PCSK1: variants seen among roughly 807,000 people sequenced by gnomAD.
The protein encoded by PCSK1 is proprotein convertase subtilisin/kexin type 1.
PCSK1 carries 56 observed loss-of-function variants against 90.6 expected under a neutral mutation model. The ratio of observed to expected loss-of-function variants is 0.62; its 90% CI spans 0.50 to 0.77. The LOEUF is 0.77. Among genes scored for constraint, PCSK1 ranks in the 30% least tolerant of loss-of-function variants. The probability of loss-of-function intolerance (pLI) is 0.00; values close to 1 mark genes in which losing one functional copy is unlikely to be tolerated. For synonymous variants in PCSK1, 348 were observed against 342.4 expected, an observed-to-expected ratio of 1.02 and a Z score of -0.18; for missense variants, 801 against 932.6, an observed-to-expected ratio of 0.86 and a Z score of 1.84.
rs1380360153 is a variant in PCSK1, at chr5:96,421,793, T to C, written c.620+87A>G. The stretch of plus-strand genomic sequence containing the variant: ...CATTAACATTTCCTGAGCACTGGAA[T>C]GTGGATGAAATATATGGTATAATTT... On this transcript the variant is annotated intron_variant, in intron 5 of 13. Transcript: ENST00000311106. 27 of 822,822 alleles carry C rather than the reference T, an allele frequency of 3.3e-5. No homozygotes were observed. In the East Asian group the frequency reaches 6.5e-4, roughly 20 times the overall value. The allele number at this position is 822,822 out of a possible 1,614,324, so 51.0% of individuals were successfully genotyped here. A position where few individuals can be genotyped will look rare whatever the true frequency, so the allele number is the denominator to read the frequency against.
intron 9 of PCSK1, among the ~76,000 whole-genome samples, chr5:96,407,608 G>A (rs1240583188): frequency 6.6e-6 from 1 of 152,108 alleles, no homozygotes; most frequent in Non-Finnish European, 1.5e-5. Flanking sequence ...TTTATCCTGA[G>A]GAAATTGTCA....
intron 11 of PCSK1, 75 bp from the exon 12 acceptor site, chr5:96,397,544 A>G: frequency 7.3e-7 from 1 of 1,372,156 alleles, no homozygotes; most frequent in South Asian, 1.2e-5. Context: ...CTGATAACTG[A>G]AAATAAAAGC....
chr5:96,411,008 A>G (rs1760736908), intron 7 of PCSK1, 22 bp from the exon 8 acceptor site: 6 of 1,534,594 alleles, frequency 3.9e-6, no homozygotes, highest in East Asian at 2.2e-5. Context: ...GCCAGAATGC[A>G]TATTATCTGT....
chr5:96,431,537 C>G (rs143057110), intron 1 of PCSK1, among the ~76,000 whole-genome samples: 11 of 152,338 alleles, frequency 7.2e-5, no homozygotes, highest in African/African-American at 2.6e-4. Flanking sequence ...TTCTTTCCCT[C>G]CTCTTATTCC....
chr5:96,413,434 G>C (rs1347326136), intron 6 of PCSK1, among the ~76,000 whole-genome samples: 1 of 152,198 alleles, frequency 6.6e-6, no homozygotes, highest in African/African-American at 2.4e-5. Flanking sequence ...TATTTACTAT[G>C]GAGCAAAGGT....
intron 5 of PCSK1, among the ~76,000 whole-genome samples, chr5:96,418,922 C>T (rs1761021705): frequency 6.6e-6 from 1 of 152,050 alleles, no homozygotes; most frequent in African/African-American, 2.4e-5. Flanking sequence ...GTTGATTTCT[C>T]ACTGAAAGAA....
chr5:96,402,151 G>A (rs892412694), intron 9 of PCSK1, among the ~76,000 whole-genome samples: 41 of 152,184 alleles, frequency 2.7e-4, no homozygotes, highest in African/African-American at 9.9e-4. Context: ...AATCCCCTGT[G>A]ACAAGAAAGA....
At position 96,393,385 on chromosome 5, in the gene PCSK1, C is replaced by A; in HGVS notation, c.1885-7G>T. ...TCTCTTGTGTGGGCTGCTCCTAAAA[C>A]ATAGAATGCCATCCACAAAGGGAAG... On this transcript the variant is annotated splice_region_variant and splice_polypyrimidine_tract_variant and intron_variant, in intron 13 of 13. Coordinates refer to ENST00000311106, the MANE Select transcript of PCSK1 (RefSeq NM_000439.5). The A allele has an allele frequency of 1.2e-6, 2 of 1,613,420 alleles. No homozygotes were observed. Among genetic ancestry groups the A allele is most frequent in the Non-Finnish European group, 1.7e-6 (2 of 1,179,856 alleles).
intron 9 of PCSK1, among the ~76,000 whole-genome samples, chr5:96,400,629 G>C (rs1490437363): frequency 6.6e-6 from 1 of 152,222 alleles, no homozygotes; most frequent in Non-Finnish European, 1.5e-5. Context: ...CTTAGGAAGA[G>C]TGAGATGTTA....
rs1760781259 is a variant in PCSK1 at position 96,412,302 on chromosome 5, G to C, written c.882+16C>G. ...GTCAGGTTTCATTTCATGTGGGTCT[G>C]TGTAAAGCATCTTACCTGTTTGACA... On this transcript the variant is annotated intron_variant, in intron 7 of 13. Coordinates refer to ENST00000311106, the MANE Select transcript of PCSK1 (RefSeq NM_000439.5). The C allele has an allele frequency of 3.7e-6, 6 of 1,609,640 alleles. No homozygotes were observed. The highest frequency in any genetic ancestry group is 5.1e-6 in the Non-Finnish European group (6 of 1,176,024).
chr5:96,399,080 C>A, intron 10 of PCSK1, 44 bp from the exon 11 acceptor site: 1 of 1,464,898 alleles, frequency 6.8e-7, no homozygotes, highest in Middle Eastern at 1.7e-4. Context: ...TATATCCAAA[C>A]TTCCTTGCAT....
intron 5 of PCSK1, among the ~76,000 whole-genome samples, chr5:96,421,569 G>A (rs545181062): frequency 1.3e-5 from 2 of 152,322 alleles, no homozygotes; most frequent in East Asian, 3.9e-4. Flanking sequence ...ATTGAGGGGA[G>A]GGATGGGCTC....
intron 6 of PCSK1, 25 bp from the exon 7 acceptor site, chr5:96,412,515 A>G: frequency 6.2e-7 from 1 of 1,606,156 alleles, no homozygotes; most frequent in African/African-American, 1.3e-5. Context: ...AAACAAAGAC[A>G]CACAAAGGTT....
chr5:96,431,853 A>G (rs78648343), intron 1 of PCSK1, among the ~76,000 whole-genome samples: 3,660 of 152,202 alleles, frequency 0.024, 159 homozygotes, highest in African/African-American at 0.085. Flanking sequence ...CCACGCTTCA[A>G]TGCAGACCAA....
intron 9 of PCSK1, among the ~76,000 whole-genome samples, chr5:96,405,155 G>T (rs916034472): frequency 6.6e-6 from 1 of 152,116 alleles, no homozygotes; most frequent in Non-Finnish European, 1.5e-5. Context: ...TATGTACCTT[G>T]GCAGTAAGGA....
In PCSK1 at chr5:96,412,596, A is replaced by C. The variant is rs921057978; in HGVS notation, c.710-106T>G. The C allele has an allele frequency of 1.8e-5, 19 of 1,057,450 alleles. No individual in the cohort carries two copies. The African/African-American group carries it at 2.1e-4, about 11-fold the overall frequency. 65.5% of individuals were successfully genotyped at this position (1,057,450 alleles called of 1,614,324 possible). On this transcript the variant is annotated intron_variant, in intron 6 of 13. Transcript: ENST00000311106. ...GTATTTTTAAAGGATTTTAAGAGTC[A>C]AAAACCAGGTAACTACTAGATAGAT...
At chr5:96,411,451 G>A (rs973843674) in intron 7 of PCSK1, among the ~76,000 whole-genome samples, 7 of 152,146 alleles carry the variant, frequency 4.6e-5, no homozygotes, top group African/African-American at 1.2e-4. Flanking sequence ...CGTCAAAGCC[G>A]CCCTTTCTAT....
intron 9 of PCSK1, among the ~76,000 whole-genome samples, chr5:96,404,028 G>A (rs990213213): frequency 6.6e-6 from 1 of 152,150 alleles, no homozygotes; most frequent in Non-Finnish European, 1.5e-5. Flanking sequence ...CTCCTCAGAA[G>A]GCTGAGGCTA....
In PCSK1 at chr5:96,421,962, G is replaced by C; in HGVS notation, c.544-6C>G. On this transcript the variant is annotated splice_region_variant and splice_polypyrimidine_tract_variant and intron_variant, in intron 4 of 13. Coordinates refer to ENST00000311106, the MANE Select transcript of PCSK1 (RefSeq NM_000439.5). Reference sequence around the variant, plus strand: ...TCATAGCTAGCCTCTGGATCCTAAAGAGACAACAAAATATAACACTGTGGC... The same window carrying C: ...TCATAGCTAGCCTCTGGATCCTAAACAGACAACAAAATATAACACTGTGGC... 2.7e-6 allele frequency: 2 copies of C among 742,524 alleles called. No homozygotes were observed. The highest frequency in any genetic ancestry group is 1.9e-6 in the Non-Finnish European group (1 of 514,122). 46.0% of individuals were successfully genotyped at this position (742,524 alleles called of 1,614,324 possible).
Sources: allele counts gnomAD v4.1 joint callset (sites outside exome capture counted in the v4.1 genomes callset), GRCh38; gene constraint gnomAD v4.1.1; transcripts MANE v1.5; gene names NCBI Gene and HGNC (gene_info 2026-07-23, HGNC 2026-07-21).